Variants in SERINC5 observed in about 807,000 individuals in gnomAD.
SERINC5 encodes the protein chromosome 5 open reading frame 12.
A neutral mutation model predicts 63.1 loss-of-function variants in SERINC5; 41 were observed. The observed-to-expected ratio is 0.65, with a 90% CI of 0.51 to 0.84. The LOEUF (loss-of-function observed/expected upper bound fraction) is 0.84. SERINC5 is among the 40% of genes least tolerant of loss of function. The pLI is 0.00. For synonymous variants in SERINC5, 222 were observed against 215.2 expected (o/e 1.03, Z -0.28); for missense variants, 523 against 573.0 (o/e 0.91, Z 0.89).
At chr5:80,254,566 G>A (rs545656718) in intron 1 of SERINC5, among the ~76,000 whole-genome samples, 36 of 152,294 alleles carry the variant, frequency 2.4e-4, no homozygotes, top group Non-Finnish European at 4.7e-4. Context: ...AATAAAAAGT[G>A]TCGCATCATA....
chr5:80,149,049 A>G (rs1165268955), intron 9 of SERINC5, among the ~76,000 whole-genome samples: 1 of 152,184 alleles, frequency 6.6e-6, no homozygotes, highest in Non-Finnish European at 1.5e-5. Flanking sequence ...TCAAAGTTGT[A>G]TCCTGTGAAA....
intron 5 of SERINC5, among the ~76,000 whole-genome samples, chr5:80,173,282 A>AAGAAAATG (rs1561393315): frequency 3.4e-5 from 5 of 145,568 alleles, no homozygotes; most frequent in African/African-American, 1.3e-4. Context: ...AGGAAGGAAG[A>AAGAAAATG]AAATGAAATG....
chr5:80,165,458 A>G (rs536973221), intron 7 of SERINC5, among the ~76,000 whole-genome samples: 16 of 152,216 alleles, frequency 1.1e-4, no homozygotes, highest in Non-Finnish European at 2.1e-4. Context: ...GTATGTATGT[A>G]TATATGTATG....
intron 2 of SERINC5, among the ~76,000 whole-genome samples, chr5:80,196,755 A>G (rs923783234): frequency 3.9e-5 from 6 of 152,140 alleles, no homozygotes; most frequent in African/African-American, 1.2e-4. Context: ...TCTAGCCAAC[A>G]TGGTGAAACC....
intron 2 of SERINC5, among the ~76,000 whole-genome samples, chr5:80,189,477 G>A (rs904083833): frequency 5.9e-5 from 9 of 152,206 alleles, no homozygotes; most frequent in African/African-American, 7.2e-5. Flanking sequence ...CTGAACTTTC[G>A]TTTCGGCTAG....
At chr5:80,155,826 T>C (rs1196847928) in intron 8 of SERINC5, among the ~76,000 whole-genome samples, 3 of 152,024 alleles carry the variant, frequency 2.0e-5, no homozygotes, top group Non-Finnish European at 1.5e-5. Flanking sequence ...GTCCAAGCTA[T>C]GATGTTCTTT....
At chr5:80,114,705 C>A (rs1478445277) in intron 11 of SERINC5, 1 of 150,380 alleles carries the variant, frequency 6.6e-6, no homozygotes, top group African/African-American at 2.5e-5. Context: ...CTCACCATCA[C>A]AAGAACAGCA....
intron 3 of SERINC5, 52 bp from the exon 4 acceptor site, chr5:80,177,449 A>G: frequency 1.4e-6 from 2 of 1,400,858 alleles, no homozygotes; most frequent in South Asian, 2.3e-5. Flanking sequence ...ACATTCAAGA[A>G]GGACAAAGGA....
At chr5:80,183,918 G>A (rs899707369) in intron 2 of SERINC5, among the ~76,000 whole-genome samples, 10 of 152,178 alleles carry the variant, frequency 6.6e-5, no homozygotes, top group African/African-American at 2.2e-4. Flanking sequence ...ACCCGCAGGC[G>A]GGTAATGAGA....
downstream of SERINC5, among the ~76,000 whole-genome samples, chr5:80,135,208 A>G (rs1745111320): frequency 6.6e-6 from 1 of 152,040 alleles, no homozygotes; most frequent in Non-Finnish European, 1.5e-5. Flanking sequence ...TAATTTTTGT[A>G]TTTTTTGTAG....
intron 7 of SERINC5, among the ~76,000 whole-genome samples, chr5:80,161,174 TC>T (rs1746900099): frequency 6.6e-6 from 1 of 152,090 alleles, no homozygotes; most frequent in African/African-American, 2.4e-5. Context: ...GGTGCAGTTA[TC>T]TTTTTGATAT....
chr5:80,224,403 G>A (rs149706626), intron 1 of SERINC5, among the ~76,000 whole-genome samples: 1,526 of 152,050 alleles, frequency 0.01, 24 homozygotes, highest in African/African-American at 0.033. Flanking sequence ...CTTGAGCCCA[G>A]GAGGTCGAGG....
At chr5:80,137,680 G>T (rs564333621), downstream of SERINC5, among the ~76,000 whole-genome samples, 1 of 143,530 alleles carries the variant, frequency 7.0e-6, no homozygotes, top group Admixed American at 7.1e-5. Flanking sequence ...AGTGGCTCAC[G>T]TCTGTAATCC....
chr5:80,220,231 A>AG (rs1043544674), intron 1 of SERINC5, among the ~76,000 whole-genome samples: 6 of 114,452 alleles, frequency 5.2e-5, no homozygotes, highest in Admixed American at 9.4e-5. Context: ...AAAAAAAAAA[A>AG]AGAGAGAGAG....
intron 11 of SERINC5, among the ~76,000 whole-genome samples, chr5:80,114,245 GGC>G (rs1201372440): frequency 2.6e-5 from 4 of 152,050 alleles, no homozygotes; most frequent in Non-Finnish European, 4.4e-5. Context: ...AGTTCTGCAT[GGC>G]TGGGGAGGCC....
intron 4 of SERINC5, among the ~76,000 whole-genome samples, chr5:80,176,564 TG>T (rs1437258203): frequency 6.6e-6 from 1 of 151,940 alleles, no homozygotes; most frequent in African/African-American, 2.4e-5. Context: ...CCTGAGTAGC[TG>T]GGATTACAGG....
In SERINC5 at chr5:80,203,020, G is replaced by T. The variant is rs1178445581; in HGVS notation, c.61C>A (p.Leu21Ile). Residue 21 changes from leucine (L) to isoleucine (I), a missense_variant, in exon 2 of 12, where the codon CTC becomes ATC. Transcript: ENST00000507668. The stretch of plus-strand genomic sequence containing the variant: ...ATCCTGGGGCAGCAATCACAGCAGA[G>T]AGAGCAGCCTGCAGACCCACAGCAG... ...ACCCGSAGCS[L>I]CCDCCPRIRQ... 4 of 1,612,422 alleles carry T rather than the reference G, an allele frequency of 2.5e-6. No homozygotes were observed. Among genetic ancestry groups the T allele is most frequent in the Non-Finnish European group, 3.4e-6 (4 of 1,179,126 alleles).
chr5:80,225,040 A>G (rs1222878831), intron 1 of SERINC5, among the ~76,000 whole-genome samples: 1 of 151,364 alleles, frequency 6.6e-6, no homozygotes, highest in East Asian at 1.9e-4. Context: ...TCCCAGGTTC[A>G]AGCAATTCTC....
At chr5:80,176,350 C>T (rs1182886049) in intron 4 of SERINC5, among the ~76,000 whole-genome samples, 1 of 152,118 alleles carries the variant, frequency 6.6e-6, no homozygotes, top group Admixed American at 6.5e-5. Context: ...CAAGTATGAC[C>T]TTAAACAACT....
Sources: allele counts gnomAD v4.1 joint callset (sites outside exome capture counted in the v4.1 genomes callset), GRCh38; gene constraint gnomAD v4.1.1; transcripts MANE v1.5; gene names NCBI Gene and HGNC (gene_info 2026-07-23, HGNC 2026-07-21).